Variants in B3GALT5 observed in about 807,000 individuals in gnomAD.
B3GALT5 encodes the protein UDP-Gal:betaGlcNAc beta 1,3-galactosyltransferase, polypeptide 5.
For synonymous variants in B3GALT5, 156 were observed against 158.6 expected, an observed-to-expected ratio of 0.98 and a Z score of 0.12; for missense variants, 328 against 396.6, an observed-to-expected ratio of 0.83 and a Z score of 1.47.
intron 1 of B3GALT5, among the ~76,000 whole-genome samples, chr21:39,621,103 A>G (rs950238028): frequency 2.0e-5 from 3 of 152,030 alleles, no homozygotes; most frequent in Admixed American, 6.6e-5. Context: ...TTTCTCTGAG[A>G]AAAAAAAGTG....
chr21:39,646,177 GC>G (rs1167749026), intron 1 of B3GALT5, among the ~76,000 whole-genome samples: 21 of 152,092 alleles, frequency 1.4e-4, no homozygotes, highest in Non-Finnish European at 2.8e-4. Flanking sequence ...GGAAGCTGGT[GC>G]CCCGGACTAC....
chr21:39,644,013 G>T (rs1283054784), intron 1 of B3GALT5, among the ~76,000 whole-genome samples: 2 of 152,098 alleles, frequency 1.3e-5, no homozygotes, highest in Non-Finnish European at 2.9e-5. Flanking sequence ...GGGCGCCTGG[G>T]AGACAGGTCT....
At position 39,667,878 on chromosome 21, in the gene B3GALT5, A is replaced by C. The variant is rs561413927; in HGVS notation, c.*6386A>C. 6.6e-6 allele frequency: 1 copy of C among 152,308 alleles called. No individual in the cohort carries two copies. The highest frequency in any genetic ancestry group is 2.1e-4 in the South Asian group (1 of 4,816). The allele number at this position is 152,308 out of a possible 1,614,324, so 9.4% of individuals were successfully genotyped here. A position where few individuals can be genotyped will look rare whatever the true frequency, so the allele number is the denominator to read the frequency against. On this transcript the variant is annotated 3_prime_UTR_variant, in exon 4 of 4. Coordinates refer to ENST00000684187, the MANE Select transcript of B3GALT5 (RefSeq NM_001356336.2). ...TCCGGGTTCCAGCCCTGGCTCTGCA[A>C]TTTGCTAGCTGTGGCCCCAGGTGGT...
chr21:39,637,710 C>T (rs604755), intron 1 of B3GALT5, among the ~76,000 whole-genome samples: 12,593 of 152,250 alleles, frequency 0.083, 559 homozygotes, highest in South Asian at 0.14. Flanking sequence ...CCTGCCGTGG[C>T]TTTTCTTGCA....
In B3GALT5 at chr21:39,660,982, G is replaced by A; in HGVS notation, c.423G>A (p.Trp141Ter). Reference sequence around the variant, plus strand: ...TGAAGACCATGATGGGCATAGAATGGGTCCATCGCTTTTGTCCTCAGGCGG... The same window carrying A: ...TGAAGACCATGATGGGCATAGAATGAGTCCATCGCTTTTGTCCTCAGGCGG... Reference protein sequence around the residue: ...LTLKTMMGIEWVHRFCPQAAF... With the variant: ...LTLKTMMGIE The change falls in exon 4 of 4, where the codon TGG becomes TGA. Residue 141 changes from tryptophan to a stop codon, truncating the protein, a stop_gained. Transcript: ENST00000684187. LOFTEE classifies it low-confidence loss of function (END_TRUNC). 1 of 1,610,988 alleles carries A rather than the reference G, an allele frequency of 6.2e-7. No individual in the cohort carries two copies. The highest frequency in any genetic ancestry group is 8.5e-7 in the Non-Finnish European group (1 of 1,177,780).
At chr21:39,639,637 G>T (rs555055362) in intron 1 of B3GALT5, among the ~76,000 whole-genome samples, 18 of 151,242 alleles carry the variant, frequency 1.2e-4, no homozygotes, top group Middle Eastern at 3.4e-3. Flanking sequence ...GTGCCACCAC[G>T]CCTGGCTAAT....
At chr21:39,638,770 C>T (rs1024052045) in intron 1 of B3GALT5, among the ~76,000 whole-genome samples, 2 of 152,168 alleles carry the variant, frequency 1.3e-5, no homozygotes, top group African/African-American at 4.8e-5. Context: ...GGGTCAGAGC[C>T]CCACAGCCTG....
intron 1 of B3GALT5, among the ~76,000 whole-genome samples, chr21:39,623,155 C>CTCTT (rs1429126075): frequency 7.7e-6 from 1 of 130,224 alleles, no homozygotes; most frequent in Admixed American, 8.1e-5. Context: ...TCCTCCCTTT[C>CTCTT]TCTTTCTTTC....
intron 1 of B3GALT5, among the ~76,000 whole-genome samples, chr21:39,640,646 T>C (rs2079282688): frequency 6.6e-6 from 1 of 152,146 alleles, no homozygotes; most frequent in Admixed American, 6.5e-5. Flanking sequence ...AAATGAATTA[T>C]TTGATGATAA....
intron 2 of B3GALT5, among the ~76,000 whole-genome samples, chr21:39,658,894 T>C (rs1372171242): frequency 6.6e-6 from 1 of 152,162 alleles, no homozygotes; most frequent in Non-Finnish European, 1.5e-5. Context: ...GGCGAATATA[T>C]GTAGAACAGA....
chr21:39,633,705 A>G (rs2146192939), intron 1 of B3GALT5, among the ~76,000 whole-genome samples: 1 of 152,302 alleles, frequency 6.6e-6, no homozygotes, highest in Middle Eastern at 3.4e-3. Context: ...TAATTCTAGA[A>G]CCAATGTTCA....
At chr21:39,633,639 C>T (rs912389673) in intron 1 of B3GALT5, among the ~76,000 whole-genome samples, 2 of 152,204 alleles carry the variant, frequency 1.3e-5, no homozygotes, top group Non-Finnish European at 2.9e-5. Flanking sequence ...TTTTCAGTGG[C>T]TCAGGTTTCT....
rs1031049818 is a variant in B3GALT5 at position 39,663,066 on chromosome 21, C to G, written c.*1574C>G. 6 of 152,326 alleles carry G rather than the reference C, an allele frequency of 3.9e-5. No individual in the cohort carries two copies. The highest frequency in any genetic ancestry group is 1.4e-4 in the African/African-American group (6 of 41,570). The allele number at this position is 152,326 out of a possible 1,614,324, so 9.4% of individuals were successfully genotyped here. On this transcript the variant is annotated 3_prime_UTR_variant, in exon 4 of 4. Coordinates refer to ENST00000684187, the MANE Select transcript of B3GALT5 (RefSeq NM_001356336.2). ...CGCACTGGGTCATGTTCAGAAAAGCCTCCTTCTCAGGTGGAAAAAATCAGG... is the reference window on the plus strand; with the variant it reads ...CGCACTGGGTCATGTTCAGAAAAGCGTCCTTCTCAGGTGGAAAAAATCAGG...
intron 1 of B3GALT5, among the ~76,000 whole-genome samples, chr21:39,639,454 TTTTTTCTTTC>T (rs1367814075): frequency 4.1e-4 from 53 of 129,948 alleles, no homozygotes; most frequent in African/African-American, 1.7e-3. Flanking sequence ...CTTTCTTTCT[TTTTTTCTTTC>T]TCTCTCTCTC....
Position 39,661,412 on chromosome 21 carries a change from C to G in B3GALT5, c.853C>G (p.His285Asp). Residue 285 changes from histidine (H) to aspartate (D), a missense_variant, in exon 4 of 4, where the codon CAC becomes GAC. By Grantham distance (81) the His-to-Asp change is moderately conservative. Coordinates refer to ENST00000684187, the MANE Select transcript of B3GALT5 (RefSeq NM_001356336.2). This position sits in a 1 kb window ranked among gnomAD's most constrained non-coding sequence, Gnocchi z 4.7. Reference sequence around the variant, plus strand: ...CCTCTTCAGGAGGATCGTGGCCTGCCACTTCATCAAGCCTCGGACTCTCTT... The same window carrying G: ...CCTCTTCAGGAGGATCGTGGCCTGCGACTTCATCAAGCCTCGGACTCTCTT... ...VCLFRRIVAC[H>D]FIKPRTLLDY... The G allele has an allele frequency of 6.4e-7, 1 of 1,558,634 alleles. No homozygotes were observed. The highest frequency in any genetic ancestry group is 8.7e-7 in the Non-Finnish European group (1 of 1,154,434).
In B3GALT5 at chr21:39,660,887, G is replaced by A. The variant is rs2079510634; in HGVS notation, c.328G>A (p.Asp110Asn). Residue 110 changes from aspartate to asparagine, a missense_variant, in exon 4 of 4, where the codon GAC becomes AAC. Transcript: ENST00000684187. ...TSSAAETKEV[D>N]QESQRHGDII... ...CAGTGCAGCGGAAACGAAAGAGGTG[G>A]ACCAGGAGAGCCAGCGACACGGGGA... The A allele has an allele frequency of 1.2e-6, 2 of 1,612,046 alleles. No individual in the cohort carries two copies. The highest frequency in any genetic ancestry group is 2.7e-5 in the African/African-American group (2 of 74,860).
chr21:39,665,044 G>C lies in B3GALT5; in HGVS notation c.*3552G>C, dbSNP rs2079566906. The C allele has an allele frequency of 6.6e-6, 1 of 152,070 alleles. No homozygotes were observed. The highest frequency in any genetic ancestry group is 1.5e-5 in the Non-Finnish European group (1 of 68,110). 9.4% of individuals were successfully genotyped at this position (152,070 alleles called of 1,614,324 possible). A position where few individuals can be genotyped will look rare whatever the true frequency, so the allele number is the denominator to read the frequency against. ...ACTCTTTCTTGCTCTTCAATCCACT[G>C]CCTACCTGATTTCCCATAGTGAACA... On this transcript the variant is annotated 3_prime_UTR_variant, in exon 4 of 4. Transcript: ENST00000684187.
chr21:39,660,641 C>T lies in B3GALT5; in HGVS notation c.82C>T (p.Leu28=). ...TTGTTTGTATTTTAGCATGTACAGTCTAAATCCTTTCAAAGAACAGTCCTT... is the reference window on the plus strand; with the variant it reads ...TTGTTTGTATTTTAGCATGTACAGTTTAAATCCTTTCAAAGAACAGTCCTT... ...ALCLYFSMYS[L]NPFKEQSFVY... is the part of the protein sequence containing the mutation. The change falls in exon 4 of 4, where the codon CTA becomes TTA. Residue 28 remains leucine (L), a synonymous_variant. Transcript: ENST00000684187. 1 of 1,531,564 alleles carries T rather than the reference C, an allele frequency of 6.5e-7. No individual in the cohort carries two copies. The allele number at this position is 1,531,564 out of a possible 1,614,324, so 94.9% of individuals were successfully genotyped here. A position where few individuals can be genotyped will look rare whatever the true frequency, so the allele number is the denominator to read the frequency against.
At chr21:39,654,444 T>C (rs1488932516) in intron 2 of B3GALT5, among the ~76,000 whole-genome samples, 1 of 152,192 alleles carries the variant, frequency 6.6e-6, no homozygotes, top group Non-Finnish European at 1.5e-5. Flanking sequence ...GGTGGTTTCT[T>C]GAAATGGAAT....
Sources: allele counts gnomAD v4.1 joint callset (sites outside exome capture counted in the v4.1 genomes callset), GRCh38; gene constraint gnomAD v4.1.1; non-coding constraint Gnocchi (gnomAD v3.1); transcripts MANE v1.5; gene names NCBI Gene and HGNC (gene_info 2026-07-23, HGNC 2026-07-21).